The following DPH6 variants were observed in gnomAD, a reference collection of about 807,000 sequenced individuals.
The protein encoded by DPH6 is diphthine--ammonia ligase.
In DPH6, 33 loss-of-function variants were observed where a neutral mutation model predicts 38.2. The ratio of observed to expected loss-of-function variants is 0.86; its 90% CI spans 0.65 to 1.15. DPH6 has a LOEUF of 1.15. Ranked by LOEUF, DPH6 falls within the 50% of genes most tolerant of loss-of-function variation. DPH6 has a pLI of 0.00. For synonymous variants in DPH6, 108 were observed against 103.0 expected, an observed-to-expected ratio of 1.05 and a Z score of -0.30; for missense variants, 325 against 320.0, an observed-to-expected ratio of 1.02 and a Z score of -0.12.
chr15:35,432,030 T>C (rs1304154905), intron 5 of DPH6, among the ~76,000 whole-genome samples: 1 of 152,172 alleles, frequency 6.6e-6, no homozygotes, highest in African/African-American at 2.4e-5. Flanking sequence ...AGTCCAACTA[T>C]GTGGGATTGG....
chr15:35,436,600 C>A (rs2053718599), intron 5 of DPH6, among the ~76,000 whole-genome samples: 1 of 151,600 alleles, frequency 6.6e-6, no homozygotes, highest in African/African-American at 2.4e-5. Flanking sequence ...AAGTTTCTCT[C>A]CTGTTGGAGA....
intron 3 of DPH6, among the ~76,000 whole-genome samples, chr15:35,353,096 C>T (rs961325422): frequency 6.6e-6 from 1 of 152,206 alleles, no homozygotes; most frequent in African/African-American, 2.4e-5. Flanking sequence ...AGTGTCTGTT[C>T]ATGTCCTTCG....
chr15:35,320,310 C>A (rs1450999114), intron 3 of DPH6, among the ~76,000 whole-genome samples: 2 of 152,154 alleles, frequency 1.3e-5, no homozygotes, highest in East Asian at 3.8e-4. Context: ...AAAATGTTCA[C>A]CTGGCTCCAA....
intron 3 of DPH6, among the ~76,000 whole-genome samples, chr15:35,224,922 T>G (rs192170517): frequency 6.6e-6 from 1 of 152,370 alleles, no homozygotes; most frequent in East Asian, 1.9e-4. Context: ...GTGGTATACT[T>G]GTCAAGACTA....
the DPH6 span, among the ~76,000 whole-genome samples, chr15:35,171,250 C>T: frequency 3.9e-5 from 6 of 152,316 alleles, no homozygotes; most frequent in East Asian, 5.8e-4. Flanking sequence ...TTGGTTGCAG[C>T]ATCTCTGGGA....
the DPH6 span, among the ~76,000 whole-genome samples, chr15:35,174,244 AT>A: frequency 0.7 from 106,379 of 152,000 alleles, 37,885 homozygotes; most frequent in Middle Eastern, 0.78. Flanking sequence ...GATCATTATA[AT>A]TTTTTTTGAA....
At chr15:35,414,519 CCAAAAACT>C (rs1173450947) in intron 5 of DPH6, among the ~76,000 whole-genome samples, 3 of 151,720 alleles carry the variant, frequency 2.0e-5, no homozygotes, top group Non-Finnish European at 4.4e-5. Context: ...TACTTTTAAT[CCAAAAACT>C]CATGTCTTTC....
intron 3 of DPH6, among the ~76,000 whole-genome samples, chr15:35,262,421 C>T (rs12912102): frequency 0.55 from 82,850 of 151,892 alleles, 24,897 homozygotes; most frequent in East Asian, 0.69. Flanking sequence ...TAAAAAGATA[C>T]CTTGGCTGGG....
intron 5 of DPH6, among the ~76,000 whole-genome samples, chr15:35,437,228 A>T (rs1389454482): frequency 6.6e-6 from 1 of 152,156 alleles, no homozygotes; most frequent in African/African-American, 2.4e-5. Flanking sequence ...CCCTCTTTCT[A>T]GATGAGTAGC....
intron 3 of DPH6, among the ~76,000 whole-genome samples, chr15:35,528,791 A>G (rs1057428079): frequency 2.6e-5 from 4 of 152,190 alleles, no homozygotes; most frequent in African/African-American, 4.8e-5. Context: ...ATGCATATTG[A>G]TATTATCTAT....
intron 3 of DPH6, among the ~76,000 whole-genome samples, chr15:35,535,803 T>C (rs1325060578): frequency 3.9e-5 from 6 of 152,138 alleles, no homozygotes; most frequent in South Asian, 2.1e-4. Flanking sequence ...CAAAGGCTTA[T>C]TACATTTCTA....
rs556353535 is a variant in DPH6, at chr15:35,511,705, T to TA, written c.312+26568dup. The stretch of plus-strand genomic sequence containing the variant: ...AAGAAACTACCAAGAGATTATCATT[T>TA]AAAAAAAAAAGTGTCACAGAAGGAA... On this transcript the variant is annotated intron_variant, in intron 3 of 8. Transcript: ENST00000256538. Among the ~76,000 whole-genome samples, 11 of 148,062 alleles carry TA rather than the reference T, an allele frequency of 7.4e-5. No individual in the cohort carries two copies. In the South Asian group the frequency reaches 8.6e-4, roughly 12 times the overall value.
At chr15:35,542,967 A>ATATATATATATATATATATATATATATAT (rs1566946762) in intron 1 of DPH6, among the ~76,000 whole-genome samples, 1 of 15,582 alleles carries the variant, frequency 6.4e-5, no homozygotes, top group African/African-American at 1.8e-4. Context: ...TATATATATA[A>ATATATATATATATATATATATATATATAT]AATAATTTCA....
chr15:35,426,562 A>AAT (rs1047310549), intron 5 of DPH6, among the ~76,000 whole-genome samples: 2 of 151,782 alleles, frequency 1.3e-5, no homozygotes, highest in Admixed American at 1.3e-4. Context: ...ATTAATGTAA[A>AAT]ATATAGGAAT....
intron 3 of DPH6, among the ~76,000 whole-genome samples, chr15:35,475,243 A>G (rs973153171): frequency 6.6e-6 from 1 of 152,080 alleles, no homozygotes; most frequent in South Asian, 2.1e-4. Context: ...ATTAAACTGC[A>G]TGTATATCCA....
chr15:35,414,999 A>G (rs541421776), intron 5 of DPH6, among the ~76,000 whole-genome samples: 1 of 151,880 alleles, frequency 6.6e-6, no homozygotes, highest in South Asian at 2.1e-4. Context: ...ATGATCTTCC[A>G]ACTGCTTTTG....
In DPH6 at chr15:35,473,913, AGTGTGTGTGTGTGTGT is replaced by A. The variant is rs58549209; in HGVS notation, c.313-19109_313-19094del. ...AGGCAAGCGATAGAACACTGTGCAC[AGTGTGTGTGTGTGTGT>A]GTGTGTGTGTGTGTGTGTGTGTGTG... On this transcript the variant is annotated intron_variant, in intron 3 of 8. Coordinates refer to ENST00000256538, the MANE Select transcript of DPH6 (RefSeq NM_080650.4). Among the ~76,000 whole-genome samples the A allele has an allele frequency of 2.3e-3, 291 of 126,884 alleles. 1 individual carries two copies. The East Asian group carries it at 0.028, about 12-fold the overall frequency. 83.2% of individuals were successfully genotyped at this position (126,884 alleles called of 152,430 possible).
Position 35,280,000 on chromosome 15 carries a change from G to A in DPH6, n.201-59418C>T, listed in dbSNP as rs181196336. 7.2e-5 allele frequency among the ~76,000 whole-genome samples: 11 copies of A among 152,278 alleles called. No individual in the cohort carries two copies. In the East Asian group the frequency reaches 1.9e-3, roughly 27 times the overall value. On this transcript the variant is annotated intron_variant and non_coding_transcript_variant, in intron 3 of 3. Coordinates refer to the DPH6 transcript ENST00000560386. The stretch of plus-strand genomic sequence containing the variant: ...CATGTACCAGGGAAAGGCCATATGA[G>A]GACACAGTGAGAAGACAGAGCCCTC...
intron 3 of DPH6, chr15:35,522,017 ACAGAT>A (rs1566939264): frequency 1.2e-5 from 19 of 1,531,974 alleles, no homozygotes; most frequent in Non-Finnish European, 1.7e-5. Context: ...AAAAACAGGG[ACAGAT>A]CAGCATCCAA....
Sources: gnomAD v4.1 joint callset for allele counts (sites outside exome capture counted in the v4.1 genomes callset) on GRCh38, gnomAD v4.1.1 for gene constraint, MANE v1.5 for transcripts, NCBI Gene and HGNC (gene_info 2026-07-23, HGNC 2026-07-21) for gene names.